Variants in GRIK2 observed in about 807,000 individuals in gnomAD.
The protein encoded by GRIK2 is glutamate ionotropic receptor kainate type subunit 2.
Under a neutral mutation model 100.3 loss-of-function variants are expected in GRIK2, and 32 were observed. That is an observed-to-expected ratio of 0.32 (90% CI 0.24 to 0.43). The LOEUF (loss-of-function observed/expected upper bound fraction) is 0.43. Ranked by LOEUF, GRIK2 falls within the 20% of genes least tolerant of loss-of-function variation. GRIK2 has a pLI of 1.00. For synonymous variants in GRIK2, 417 were observed against 389.4 expected (o/e 1.07, Z -0.83); for missense variants, 843 against 1,114.9 (o/e 0.76, Z 3.47).
chr6:101,599,099 T>C (rs893742926), intron 2 of GRIK2, among the ~76,000 whole-genome samples: 3 of 151,700 alleles, frequency 2.0e-5, no homozygotes, highest in African/African-American at 7.3e-5. Flanking sequence ...GTTCCCAGTG[T>C]CTATTGCTTC....
intron 14 of GRIK2, among the ~76,000 whole-genome samples, chr6:101,952,019 C>A (rs1364984472): frequency 1.3e-5 from 2 of 152,226 alleles, no homozygotes; most frequent in Admixed American, 1.3e-4. Flanking sequence ...TCCGTCATCA[C>A]AAACACATCA....
At chr6:101,704,404 AG>A (rs1245887565) in intron 7 of GRIK2, among the ~76,000 whole-genome samples, 8 of 151,652 alleles carry the variant, frequency 5.3e-5, no homozygotes, top group African/African-American at 9.7e-5. Flanking sequence ...CTGGGAGGAT[AG>A]GGGATTTGTT....
chr6:101,426,730 T>C (rs1769042587), intron 2 of GRIK2, among the ~76,000 whole-genome samples: 1 of 152,190 alleles, frequency 6.6e-6, no homozygotes, highest in Admixed American at 6.5e-5. Flanking sequence ...TACTGCCAGA[T>C]TGATTTTCCT....
rs1158965622 is a variant in GRIK2 at position 101,782,857 on chromosome 6, C to CTT, written c.952-16773_952-16772dup. ...TAGCTTTGTGTCCCCACTCAAATCT[C>CTT]TTTTTTTTTTTTTTTTTTTGAGATG... On this transcript the variant is annotated intron_variant, in intron 7 of 16. Transcript: ENST00000369134. 4.6e-3 allele frequency among the ~76,000 whole-genome samples: 605 copies of CTT among 130,760 alleles called. 5 individuals carry two copies. The highest frequency in any genetic ancestry group is 0.014 in the African/African-American group (492 of 34,322). 85.8% of individuals were successfully genotyped at this position (130,760 alleles called of 152,430 possible).
intron 4 of GRIK2, among the ~76,000 whole-genome samples, chr6:101,629,265 A>G (rs1046539273): frequency 6.6e-6 from 1 of 152,120 alleles, no homozygotes; most frequent in Admixed American, 6.6e-5. Context: ...TGATTAGTTA[A>G]GTGGTAATGC....
intron 2 of GRIK2, among the ~76,000 whole-genome samples, chr6:101,441,484 A>G (rs930363256): frequency 1.3e-5 from 2 of 152,150 alleles, no homozygotes; most frequent in Admixed American, 6.6e-5. Flanking sequence ...TTAAAACTGT[A>G]TATGCTTGTG....
intron 4 of GRIK2, among the ~76,000 whole-genome samples, chr6:101,663,040 A>G (rs1769747256): frequency 1.3e-5 from 2 of 152,168 alleles, no homozygotes; most frequent in South Asian, 4.1e-4. Flanking sequence ...TGAGATTCTA[A>G]AGAGTTACGT....
intron 2 of GRIK2, among the ~76,000 whole-genome samples, chr6:101,464,889 G>A (rs1158965784): frequency 6.6e-6 from 1 of 152,078 alleles, no homozygotes; most frequent in Non-Finnish European, 1.5e-5. Flanking sequence ...CTTTTAAAGG[G>A]CTTATACCTG....
At chr6:101,433,874 C>T (rs1769563643) in intron 2 of GRIK2, among the ~76,000 whole-genome samples, 2 of 152,286 alleles carry the variant, frequency 1.3e-5, no homozygotes, top group South Asian at 4.1e-4. Flanking sequence ...ATGTAAATTA[C>T]TCTCAAGAGT....
intron 7 of GRIK2, among the ~76,000 whole-genome samples, chr6:101,774,531 A>G (rs961354870): frequency 1.3e-5 from 2 of 152,200 alleles, no homozygotes; most frequent in African/African-American, 4.8e-5. Flanking sequence ...AATGTGGTTC[A>G]TGGACATTAG....
At chr6:101,982,804 C>T (rs1015030399) in intron 14 of GRIK2, among the ~76,000 whole-genome samples, 7 of 151,532 alleles carry the variant, frequency 4.6e-5, no homozygotes, top group Non-Finnish European at 1.0e-4. Context: ...CTCAGGTACC[C>T]GTTACCTTAC....
intron 2 of GRIK2, among the ~76,000 whole-genome samples, chr6:101,456,610 A>T (rs1024973907): frequency 2.0e-5 from 3 of 152,078 alleles, no homozygotes; most frequent in African/African-American, 7.2e-5. Flanking sequence ...TTAAAATAAC[A>T]TTATTCAACT....
intron 14 of GRIK2, among the ~76,000 whole-genome samples, chr6:101,959,747 C>G (rs945362521): frequency 6.6e-6 from 1 of 152,026 alleles, no homozygotes. Context: ...TTGAGAGTCC[C>G]TTTAGAAGTG....
chr6:101,926,721 C>T (rs1215957244), intron 13 of GRIK2, among the ~76,000 whole-genome samples: 1 of 152,112 alleles, frequency 6.6e-6, no homozygotes, highest in Non-Finnish European at 1.5e-5. Context: ...TGCCCAGCTT[C>T]CCAGGAATTA....
chr6:101,948,562 C>T (rs1381791818), intron 14 of GRIK2, among the ~76,000 whole-genome samples: 3 of 147,960 alleles, frequency 2.0e-5, no homozygotes, highest in Non-Finnish European at 4.5e-5. Context: ...TATATATATA[C>T]ACATACACAC....
chr6:101,854,485 T>G (rs1437914354), intron 10 of GRIK2, among the ~76,000 whole-genome samples: 1 of 152,004 alleles, frequency 6.6e-6, no homozygotes, highest in Non-Finnish European at 1.5e-5. Flanking sequence ...GTCTCAAACT[T>G]CTGACCTCAT....
chr6:101,623,420 C>T (rs1780266876), intron 3 of GRIK2, among the ~76,000 whole-genome samples: 1 of 151,948 alleles, frequency 6.6e-6, no homozygotes. Flanking sequence ...ATCATAATTG[C>T]AAAATAAATC....
chr6:101,467,618 A>G (rs567042522), intron 2 of GRIK2, among the ~76,000 whole-genome samples: 3 of 152,228 alleles, frequency 2.0e-5, no homozygotes, highest in African/African-American at 4.8e-5. Flanking sequence ...TATAGTGGGA[A>G]GAAAAGAGGG....
At chr6:101,727,963 A>G (rs991619288) in intron 7 of GRIK2, among the ~76,000 whole-genome samples, 4 of 152,094 alleles carry the variant, frequency 2.6e-5, no homozygotes, top group Non-Finnish European at 5.9e-5. Flanking sequence ...TATTAATTAA[A>G]TGCATCAAAG....
Sources: allele counts gnomAD v4.1 joint callset (sites outside exome capture counted in the v4.1 genomes callset), GRCh38; gene constraint gnomAD v4.1.1; transcripts MANE v1.5; gene names NCBI Gene and HGNC (gene_info 2026-07-23, HGNC 2026-07-21).